The following PCDHAC1 variants were observed in gnomAD, a reference collection of about 807,000 sequenced individuals.
PCDHAC1 encodes protocadherin alpha subfamily C, 1, also known as protocadherin alpha-C1.
Under a neutral mutation model 60.0 loss-of-function variants are expected in PCDHAC1, and 42 were observed. The observed-to-expected ratio is 0.70, with a 90% CI of 0.55 to 0.90. PCDHAC1 has a LOEUF of 0.90. PCDHAC1 is among the 40% of genes least tolerant of loss of function. The pLI is 0.00. For missense variants in PCDHAC1, 1,160 were observed against 1,222.3 expected (o/e 0.95, Z 0.76); for synonymous variants, 468 against 499.3 (o/e 0.94, Z 0.84).
rs552289184 is a variant in PCDHAC1, at chr5:140,942,884, T to C, written c.2433+13559T>C. 7.9e-5 allele frequency among the ~76,000 whole-genome samples: 12 copies of C among 152,178 alleles called. No individual in the cohort carries two copies. In the East Asian group the frequency reaches 2.3e-3, roughly 29 times the overall value. ...TGCTTTAGCATGACAACTTTTTTCC[T>C]AAAATTTATCTCTAAGAATAAGCGT... On this transcript the variant is annotated intron_variant, in intron 1 of 3. Transcript: ENST00000253807.
At position 140,992,594 on chromosome 5, in the gene PCDHAC1, G is replaced by T. The variant is rs782416770; in HGVS notation, c.2581+10031G>T. On this transcript the variant is annotated intron_variant, in intron 3 of 3. Coordinates refer to ENST00000253807, the MANE Select transcript of PCDHAC1 (RefSeq NM_018898.5). ...ATTGCCTGCCTTGTATGCATCTAGC[G>T]TCTGTGTCTAAGTGAAAGCAGATTA... Among the ~76,000 whole-genome samples, 5 of 152,266 alleles carry T rather than the reference G, an allele frequency of 3.3e-5. No individual in the cohort carries two copies. The East Asian group carries it at 7.7e-4, about 24-fold the overall frequency.
intron 1 of PCDHAC1, among the ~76,000 whole-genome samples, chr5:140,971,436 C>G (rs2153789972): frequency 6.6e-6 from 1 of 152,278 alleles, no homozygotes; most frequent in Non-Finnish European, 1.5e-5. Flanking sequence ...ACCCCAAGAT[C>G]TACAGCTCCA....
intron 2 of PCDHAC1, 35 bp downstream of exon 2, chr5:140,979,042 C>T (rs782163702): frequency 6.2e-7 from 1 of 1,612,562 alleles, no homozygotes; most frequent in African/African-American, 1.3e-5. Context: ...TCAGAAGTAA[C>T]CTTAACTTGG....
intron 1 of PCDHAC1, among the ~76,000 whole-genome samples, chr5:140,940,750 G>A (rs1274521070): frequency 2.6e-5 from 4 of 152,136 alleles, no homozygotes; most frequent in Non-Finnish European, 5.9e-5. Context: ...TTTTATGTGT[G>A]CCAACTTTTA....
intron 1 of PCDHAC1, among the ~76,000 whole-genome samples, chr5:140,960,254 C>T (rs2095534958): frequency 6.6e-6 from 1 of 152,138 alleles, no homozygotes; most frequent in South Asian, 2.1e-4. Flanking sequence ...CTTCCTGGAG[C>T]TTCTGATAAA....
rs946542782 is a variant in PCDHAC1 at position 140,929,050 on chromosome 5, C to T, written c.2158C>T (p.Arg720Cys). The T allele has an allele frequency of 6.8e-6, 11 of 1,614,026 alleles. No individual in the cohort carries two copies. The highest frequency in any genetic ancestry group is 5.3e-5 in the African/African-American group (4 of 74,918). Residue 720 changes from arginine to cysteine, a missense_variant, in exon 1 of 4, where the codon CGC becomes TGC. Physicochemically the swap from Arg to Cys is radical, Grantham distance 180. Coordinates refer to ENST00000253807, the MANE Select transcript of PCDHAC1 (RefSeq NM_018898.5). ...SPGCCAQSCC[R>C]STEDLRYGSK... is the part of the protein sequence containing the mutation. Reference sequence around the variant, plus strand: ...AGGCTGTTGCGCTCAGAGCTGCTGTCGCTCTACAGAGGATCTGAGGTATGG... The same window carrying T: ...AGGCTGTTGCGCTCAGAGCTGCTGTTGCTCTACAGAGGATCTGAGGTATGG...
chr5:140,927,870 G>A lies in PCDHAC1; in HGVS notation c.978G>A (p.Leu326=), dbSNP rs1302526715. 1 of 1,614,100 alleles carries A rather than the reference G, an allele frequency of 6.2e-7. No individual in the cohort carries two copies. ...TTGGTTTAGCTAGCACCGCTAAACT[G>A]CTGGTGGAGGTGACTGACGTGAACG... ...GVFGLASTAK[L]LVEVTDVNDH... The change falls in exon 1 of 4, where the codon CTG becomes CTA. Residue 326 remains leucine, a synonymous_variant. Transcript: ENST00000253807.
intron 1 of PCDHAC1, among the ~76,000 whole-genome samples, chr5:140,971,595 A>G (rs1228003229): frequency 6.6e-6 from 1 of 152,110 alleles, no homozygotes; most frequent in African/African-American, 2.4e-5. Flanking sequence ...CCTAGTTACT[A>G]CAGATGGCAG....
chr5:140,967,984 C>G (rs2096207352), intron 1 of PCDHAC1: 2 of 1,614,100 alleles, frequency 1.2e-6, no homozygotes, highest in African/African-American at 2.7e-5. Flanking sequence ...GTCTGGAGGC[C>G]ACACTGCCTT....
rs535981750 is a variant in PCDHAC1 at position 140,934,094 on chromosome 5, GCTTT to G, written c.2433+4772_2433+4775del. Among the ~76,000 whole-genome samples, 58 of 151,890 alleles carry G rather than the reference GCTTT, an allele frequency of 3.8e-4. 1 individual carries two copies. The highest frequency in any genetic ancestry group is 6.8e-3 in the Middle Eastern group (2 of 292). ...TTTGGGTTCGCTTTGTTGTATGTTT[GCTTT>G]CTATTTTATTAATTTTCATACTTTA... On this transcript the variant is annotated intron_variant, in intron 1 of 3. Transcript: ENST00000253807.
intron 1 of PCDHAC1, among the ~76,000 whole-genome samples, chr5:140,938,899 A>G (rs1175857132): frequency 1.3e-5 from 2 of 152,000 alleles, no homozygotes; most frequent in African/African-American, 2.4e-5. Context: ...ACAGATGCGC[A>G]CACACACACA....
At chr5:140,981,479 C>T (rs1275257398) in intron 2 of PCDHAC1, among the ~76,000 whole-genome samples, 20 of 152,148 alleles carry the variant, frequency 1.3e-4, no homozygotes, top group African/African-American at 4.8e-4. Flanking sequence ...GAGGCTGAGG[C>T]AGGAGAATTG....
At chr5:140,952,621 T>C (rs1002649302) in intron 1 of PCDHAC1, among the ~76,000 whole-genome samples, 3 of 152,168 alleles carry the variant, frequency 2.0e-5, no homozygotes, top group Admixed American at 2.0e-4. Context: ...TCATCTTCCC[T>C]CCACACTATT....
chr5:140,961,385 T>G (rs1480607533), intron 1 of PCDHAC1, among the ~76,000 whole-genome samples: 3 of 152,204 alleles, frequency 2.0e-5, no homozygotes, highest in Non-Finnish European at 4.4e-5. Flanking sequence ...GTTTGAACTA[T>G]TCCATTAGTA....
intron 3 of PCDHAC1, among the ~76,000 whole-genome samples, chr5:140,985,246 T>C (rs2097143888): frequency 6.6e-6 from 1 of 152,110 alleles, no homozygotes; most frequent in African/African-American, 2.4e-5. Flanking sequence ...CTAATCTTCT[T>C]ACTCTTTTTT....
In PCDHAC1 at chr5:140,967,285, G is replaced by C. The variant is rs150694611; in HGVS notation, c.2434-11664G>C. 6,229 of 1,613,054 alleles carry C rather than the reference G, an allele frequency of 3.9e-3. 11 individuals carry two copies. The highest frequency in any genetic ancestry group is 5.0e-3 in the Non-Finnish European group (5,885 of 1,179,544). On this transcript the variant is annotated intron_variant, in intron 1 of 3. Coordinates refer to ENST00000253807, the MANE Select transcript of PCDHAC1 (RefSeq NM_018898.5). Reference sequence around the variant, plus strand: ...CGCGCTTTCACATAGAGAGTGCGCAGGACCCCGACGTGGGCGCCAACTCAG... The same window carrying C: ...CGCGCTTTCACATAGAGAGTGCGCACGACCCCGACGTGGGCGCCAACTCAG...
chr5:141,005,164 G>T (rs782398186), intron 3 of PCDHAC1, among the ~76,000 whole-genome samples: 1 of 152,178 alleles, frequency 6.6e-6, no homozygotes, highest in Non-Finnish European at 1.5e-5. Context: ...TAAAGAGTGG[G>T]TACCACTTTC....
At chr5:140,938,876 AAC>A (rs142461507) in intron 1 of PCDHAC1, among the ~76,000 whole-genome samples, 10 of 151,120 alleles carry the variant, frequency 6.6e-5, no homozygotes, top group Non-Finnish European at 1.3e-4. Flanking sequence ...GTTAAGAAGC[AAC>A]ACACACACAC....
At chr5:140,947,706 A>G (rs2153680894) in intron 1 of PCDHAC1, among the ~76,000 whole-genome samples, 1 of 151,686 alleles carries the variant, frequency 6.6e-6, no homozygotes, top group East Asian at 1.9e-4. Context: ...AGTTTTAAGT[A>G]TTGAGGTTTC....
Sources: allele counts gnomAD v4.1 joint callset (sites outside exome capture counted in the v4.1 genomes callset), GRCh38; gene constraint gnomAD v4.1.1; transcripts MANE v1.5; gene names NCBI Gene and HGNC (gene_info 2026-07-23, HGNC 2026-07-21).